Variants in ETNPPL observed in about 807,000 individuals in gnomAD.
ETNPPL encodes the protein ethanolamine-phosphate phospho-lyase.
Under a neutral mutation model 55.5 loss-of-function variants are expected in ETNPPL, and 30 were observed. The ratio of observed to expected loss-of-function variants is 0.54; its 90% CI spans 0.40 to 0.73. The LOEUF (loss-of-function observed/expected upper bound fraction) is 0.73. Ranked by LOEUF, ETNPPL falls within the 30% of genes least tolerant of loss-of-function variation. ETNPPL has a pLI of 0.00. For synonymous variants in ETNPPL, 202 were observed against 207.2 expected (o/e 0.98, Z 0.21); for missense variants, 528 against 607.9 (o/e 0.87, Z 1.38).
Position 108,760,275 on chromosome 4 carries a change from G to C in ETNPPL, c.88C>G (p.Pro30Ala). 6.2e-7 allele frequency: 1 copy of C among 1,610,678 alleles called. No homozygotes were observed. Among genetic ancestry groups the C allele is most frequent in the Non-Finnish European group, 8.5e-7 (1 of 1,177,378 alleles). Residue 30 changes from proline (P) to alanine (A), a missense_variant, in exon 2 of 13, where the codon CCC (proline) becomes GCC (alanine). Pro to Ala is a conservative substitution (Grantham distance 27). Transcript: ENST00000296486. ...PSCKVFFASD[P>A]IKIVRAQRQY... Reference sequence around the variant, plus strand: ...CTCTGGGCTCTCACTATTTTGATGGGATCCGATGCAAAGAAAACTTTGCAT... The same window carrying C: ...CTCTGGGCTCTCACTATTTTGATGGCATCCGATGCAAAGAAAACTTTGCAT...
At chr4:108,757,822 A>G (rs1729291647) in intron 3 of ETNPPL, among the ~76,000 whole-genome samples, 1 of 148,266 alleles carries the variant, frequency 6.7e-6, no homozygotes, top group Admixed American at 6.6e-5. Flanking sequence ...TGTAACCCCT[A>G]TGGGTTACAG....
intron 6 of ETNPPL, among the ~76,000 whole-genome samples, chr4:108,751,372 T>C (rs1053544425): frequency 6.6e-6 from 1 of 152,198 alleles, no homozygotes; most frequent in African/African-American, 2.4e-5. Context: ...AAAAGTTACC[T>C]AGGTCCAAAG....
rs1449952042 is a variant in ETNPPL, at chr4:108,747,474, A to G, written c.1082+531T>C. 2.0e-5 allele frequency among the ~76,000 whole-genome samples: 3 copies of G among 150,926 alleles called. No individual in the cohort carries two copies. In the East Asian group the frequency reaches 5.9e-4, roughly 30 times the overall value. ...TTTATTGTTGTTGGTTTATTTATTT[A>G]TTTTATAGAAACAAGGTTTCTTGTT... On this transcript the variant is annotated intron_variant, in intron 9 of 12. Transcript: ENST00000296486.
At chr4:108,760,402 A>C in intron 1 of ETNPPL, 96 bp from the exon 2 acceptor site, 1 of 598,408 alleles carries the variant, frequency 1.7e-6, no homozygotes, top group Admixed American at 2.4e-5. Context: ...AAGTACAGTT[A>C]CATAAAGGAA....
rs1553933962 is a variant in ETNPPL, at chr4:108,750,625, A to ATATATATATATATATATATATATC, written c.701+310_701+311insGATATATATATATATATATATATA. Among the ~76,000 whole-genome samples the ATATATATATATATATATATATATC allele has an allele frequency of 1.4e-4, 17 of 122,948 alleles. 2 individuals are homozygous for ATATATATATATATATATATATATC. In the East Asian group the frequency reaches 1.8e-3, roughly 13 times the overall value. 80.7% of individuals were successfully genotyped at this position (122,948 alleles called of 152,430 possible). ...TATGATATATATAGGATATATATAT[A>ATATATATATATATATATATATATC]TCCTATTAGTTTGGTCCCTCTAGAG... On this transcript the variant is annotated intron_variant, in intron 7 of 12. Transcript: ENST00000296486.
chr4:108,754,697 G>T lies in ETNPPL; in HGVS notation c.424C>A (p.His142Asn). Reference sequence around the variant, plus strand: ...CTAATCTCAATTAAGGATGATAGGTGACCATGGTAAGCACTGAAGAGACAA... The same window carrying T: ...CTAATCTCAATTAAGGATGATAGGTTACCATGGTAAGCACTGAAGAGACAA... ...VITLDHAYHG[H>N]LSSLIEISPY... The change falls in exon 5 of 13, where the codon CAC becomes AAC. Residue 142 changes from histidine (H) to asparagine (N), a missense_variant. Physicochemically the swap from His to Asn is moderately conservative, Grantham distance 68 (BLOSUM62 1). Transcript: ENST00000296486. The T allele has an allele frequency of 6.3e-7, 1 of 1,586,500 alleles. No homozygotes were observed. The highest frequency in any genetic ancestry group is 8.6e-7 in the Non-Finnish European group (1 of 1,158,066).
intron 7 of ETNPPL, among the ~76,000 whole-genome samples, chr4:108,750,623 A>ATTT (rs1304381663): frequency 0.032 from 4,135 of 129,908 alleles, 432 homozygotes; most frequent in East Asian, 0.31. Flanking sequence ...GGATATATAT[A>ATTT]TATCCTATTA....
intron 8 of ETNPPL, 53 bp downstream of exon 8, chr4:108,749,185 A>G: frequency 7.1e-7 from 1 of 1,400,060 alleles, no homozygotes; most frequent in Non-Finnish European, 1.0e-6. Flanking sequence ...AAAAAATATA[A>G]GAACATGCAT....
intron 7 of ETNPPL, among the ~76,000 whole-genome samples, chr4:108,750,246 C>G (rs936000337): frequency 2.6e-5 from 4 of 152,060 alleles, no homozygotes; most frequent in African/African-American, 9.7e-5. Context: ...AAAGCAGATC[C>G]ATGCTTAATC....
rs1729424764 is a variant in ETNPPL at position 108,759,902 on chromosome 4, T to C, written c.182A>G (p.His61Arg). 1 of 1,613,288 alleles carries C rather than the reference T, an allele frequency of 6.2e-7. No homozygotes were observed. ...DCINNVAHVG[H>R]CHPGVVKAAL... ...AGCTTTGACCACTCCTGGGTGACAG[T>C]GTCCCACTAAAATTTATGAAACAAA... The change falls in exon 3 of 13, where the codon CAC becomes CGC. Residue 61 changes from histidine to arginine, a missense_variant. His to Arg is a conservative substitution (Grantham distance 29). Transcript: ENST00000296486.
rs373531491 is a variant in ETNPPL at position 108,749,477 on chromosome 4, C to T, written c.702-14G>A. 355 of 1,604,394 alleles carry T rather than the reference C, an allele frequency of 2.2e-4. 1 individual carries two copies. The highest frequency in any genetic ancestry group is 2.1e-4 in the Non-Finnish European group (251 of 1,171,660). On this transcript the variant is annotated splice_polypyrimidine_tract_variant and intron_variant, in intron 7 of 12. Coordinates refer to ENST00000296486, the MANE Select transcript of ETNPPL (RefSeq NM_031279.4). Reference sequence around the variant, plus strand: ...CCGTGTACATATCTGAAAAGCAAAGCGGCAGTCTAATGCCTTCAGGTCACT... The same window carrying T: ...CCGTGTACATATCTGAAAAGCAAAGTGGCAGTCTAATGCCTTCAGGTCACT...
chr4:108,747,890 G>A (rs1352750755), intron 9 of ETNPPL, 115 bp downstream of exon 9: 37 of 821,764 alleles, frequency 4.5e-5, no homozygotes, highest in African/African-American at 4.2e-4. Context: ...CACCACACCT[G>A]GCTAATTTTT....
At chr4:108,756,066 T>G (rs1335427002) in intron 4 of ETNPPL, among the ~76,000 whole-genome samples, 3 of 152,256 alleles carry the variant, frequency 2.0e-5, no homozygotes, top group African/African-American at 7.2e-5. Flanking sequence ...GAACTTTTTT[T>G]GAAATTAATT....
At chr4:108,753,717 A>C (rs1436700214) in intron 5 of ETNPPL, among the ~76,000 whole-genome samples, 1 of 146,454 alleles carries the variant, frequency 6.8e-6, no homozygotes, top group Non-Finnish European at 1.5e-5. Flanking sequence ...ACTCCAGCCT[A>C]GGTAGCAAAA....
chr4:108,756,489 G>T lies in ETNPPL; in HGVS notation c.339C>A (p.Ser113=). 1 of 1,612,412 alleles carries T rather than the reference G, an allele frequency of 6.2e-7. No individual in the cohort carries two copies. The highest frequency in any genetic ancestry group is 1.1e-5 in the South Asian group (1 of 91,022). ...LSVCYFTNSG[S]EANDLALRLA... ...GGCGTAAGGCTAAGTCGTTGGCTTC[G>T]GATCTATTAAGATAACATAGAGAGA... The change falls in exon 4 of 13, where the codon TCC becomes TCA. Residue 113 remains serine (S), a synonymous_variant. Transcript: ENST00000296486.
Position 108,756,459 on chromosome 4 carries a change from A to T in ETNPPL, c.369T>A (p.Ala123=). 1.2e-6 allele frequency: 2 copies of T among 1,614,144 alleles called. No homozygotes were observed. The highest frequency in any genetic ancestry group is 8.5e-7 in the Non-Finnish European group (1 of 1,179,964). ...SEANDLALRL[A]RQFRGHQDVI... ...CATCCTGGTGGCCTCTGAACTGCCG[A>T]GCCAGGCGTAAGGCTAAGTCGTTGG... The change falls in exon 4 of 13, where the codon GCT becomes GCA. Residue 123 remains alanine (A), a synonymous_variant. Coordinates refer to ENST00000296486, the MANE Select transcript of ETNPPL (RefSeq NM_031279.4).
At chr4:108,760,333 G>C (rs778878596) in intron 1 of ETNPPL, 27 bp from the exon 2 acceptor site, 10 of 1,322,210 alleles carry the variant, frequency 7.6e-6, no homozygotes, top group Non-Finnish European at 9.8e-6. Flanking sequence ...GAAACACTTT[G>C]GTCTGGTAGG....
chr4:108,762,364 C>G (rs1287731606), intron 1 of ETNPPL: 3 of 469,490 alleles, frequency 6.4e-6, no homozygotes, highest in African/African-American at 5.9e-5. Flanking sequence ...CTTAACCAAG[C>G]ATGCAAGAAG....
chr4:108,748,955 A>G (rs541152968), intron 8 of ETNPPL, among the ~76,000 whole-genome samples: 3 of 152,320 alleles, frequency 2.0e-5, no homozygotes, highest in Non-Finnish European at 4.4e-5. Context: ...TGTGGGACTT[A>G]AAATCTAGAT....
Sources: allele counts gnomAD v4.1 joint callset (sites outside exome capture counted in the v4.1 genomes callset), GRCh38; gene constraint gnomAD v4.1.1; transcripts MANE v1.5; gene names NCBI Gene and HGNC (gene_info 2026-07-23, HGNC 2026-07-21).